Variants in FREM3 observed in about 807,000 individuals in gnomAD.
The protein encoded by FREM3 is FRAS1 related extracellular matrix 3.
Under a neutral mutation model 129.1 loss-of-function variants are expected in FREM3, and 105 were observed. The ratio of observed to expected loss-of-function variants is 0.81; its 90% CI spans 0.69 to 0.96. The LOEUF (loss-of-function observed/expected upper bound fraction) is 0.96, where lower values mean the gene tolerates loss of function less well. Among genes scored for constraint, FREM3 ranks in the 40% least tolerant of loss-of-function variants. FREM3 has a pLI of 0.00. For missense variants in FREM3, 2,593 were observed against 2,666.3 expected, an observed-to-expected ratio of 0.97 and a Z score of 0.61; for synonymous variants, 1,014 against 1,044.9, an observed-to-expected ratio of 0.97 and a Z score of 0.57.
intron 2 of FREM3, among the ~76,000 whole-genome samples, chr4:143,683,218 A>G (rs1467693279): frequency 2.0e-5 from 3 of 152,218 alleles, no homozygotes; most frequent in Admixed American, 2.0e-4. Context: ...CAGAGCGAGC[A>G]GGGGCTTGCA....
chr4:143,665,014 G>T (rs993832302), intron 2 of FREM3, among the ~76,000 whole-genome samples: 72 of 152,162 alleles, frequency 4.7e-4, no homozygotes, highest in Non-Finnish European at 6.8e-4. Context: ...GACTAGGAAA[G>T]GGAACTCCCT....
At chr4:143,636,569 T>A (rs530659443) in intron 2 of FREM3, among the ~76,000 whole-genome samples, 1 of 152,184 alleles carries the variant, frequency 6.6e-6, no homozygotes, top group African/African-American at 2.4e-5. Flanking sequence ...AAGAGCATAA[T>A]GGCATTTATG....
At chr4:143,617,542 A>G (rs1288711236) in intron 5 of FREM3, among the ~76,000 whole-genome samples, 5 of 152,230 alleles carry the variant, frequency 3.3e-5, no homozygotes, top group Admixed American at 6.5e-5. Flanking sequence ...TGCATCTTCA[A>G]GATCTTCATG....
Position 143,577,700 on chromosome 4 carries a change from C to T in FREM3, c.6331G>A (p.Ala2111Thr), listed in dbSNP as rs1449894971. 4 of 1,537,162 alleles carry T rather than the reference C, an allele frequency of 2.6e-6. No individual in the cohort carries two copies. The East Asian group carries it at 9.8e-5, about 38-fold the overall frequency. The change falls in exon 8 of 8, where the codon GCA becomes ACA. Residue 2111 changes from alanine to threonine, a missense_variant. Coordinates refer to ENST00000329798, the MANE Select transcript of FREM3 (RefSeq NM_001168235.2). Reference protein sequence around the residue: ...FELLLQMPMGAVLGEPNKTTI... With the variant: ...FELLLQMPMGTVLGEPNKTTI... ...GTTTTATTTGGTTCTCCAAGCACTG[C>T]ACCCATAGGCATCTGAAGAAGTAAT...
At chr4:143,588,148 G>A (rs191981068) in intron 6 of FREM3, among the ~76,000 whole-genome samples, 1 of 152,136 alleles carries the variant, frequency 6.6e-6, no homozygotes, top group Admixed American at 6.5e-5. Context: ...ACATCATACT[G>A]CCCAAATGGT....
At chr4:143,645,767 T>C (rs1739402344) in intron 2 of FREM3, among the ~76,000 whole-genome samples, 6 of 152,358 alleles carry the variant, frequency 3.9e-5, no homozygotes, top group Admixed American at 3.3e-4. Flanking sequence ...TATCTATCAA[T>C]ATATTGGTTC....
rs571087260 is a variant in FREM3 at position 143,630,613 on chromosome 4, C to T, written c.5276-2853G>A. Among the ~76,000 whole-genome samples, 11 of 152,236 alleles carry T rather than the reference C, an allele frequency of 7.2e-5. No individual in the cohort carries two copies. In the South Asian group the frequency reaches 8.3e-4, roughly 11 times the overall value. On this transcript the variant is annotated intron_variant, in intron 2 of 7. Coordinates refer to ENST00000329798, the MANE Select transcript of FREM3 (RefSeq NM_001168235.2). ...CTTAGTCACTGTAACCTGACATCAC[C>T]GGCTAATCAATGCTTTCTGTGACCA...
In FREM3 at chr4:143,585,910, T is replaced by C. The variant is rs1405973622; in HGVS notation, c.6112A>G (p.Thr2038Ala). Residue 2038 changes from threonine to alanine, a missense_variant, in exon 7 of 8, where the codon ACT becomes GCT. By Grantham distance (58) the Thr-to-Ala change is moderately conservative. Transcript: ENST00000329798. This position sits in a 1 kb window ranked among gnomAD's most constrained non-coding sequence, Gnocchi z 4.2. ...ATGGATGATGGTTGGGAAAGATCAG[T>C]GCCTCTTCTCCAAACACAAACCTCC... ...YVEVCVWRRG[T>A]DLSQPSSIAV... 1 of 1,537,302 alleles carries C rather than the reference T, an allele frequency of 6.5e-7. No homozygotes were observed. The highest frequency in any genetic ancestry group is 2.0e-5 in the Admixed American group (1 of 50,980).
At chr4:143,659,088 AT>A (rs869186137) in intron 2 of FREM3, among the ~76,000 whole-genome samples, 1 of 64,878 alleles carries the variant, frequency 1.5e-5, no homozygotes, top group South Asian at 5.3e-4. Context: ...TATTATTTTT[AT>A]TTATTATTAT....
intron 2 of FREM3, among the ~76,000 whole-genome samples, chr4:143,656,390 C>A (rs1171788832): frequency 2.0e-5 from 3 of 152,070 alleles, no homozygotes; most frequent in African/African-American, 7.2e-5. Flanking sequence ...TTCACAATAG[C>A]CCCAAAATGG....
rs1740629421 is a variant in FREM3, at chr4:143,698,695, C to G, written c.1981G>C (p.Gly661Arg). The G allele has an allele frequency of 6.5e-7, 1 of 1,537,430 alleles. No individual in the cohort carries two copies. The highest frequency in any genetic ancestry group is 8.7e-7 in the Non-Finnish European group (1 of 1,146,974). Reference protein sequence around the residue: ...MEGRLFYRHLGPHSPQSVMVQ... With the variant: ...MEGRLFYRHLRPHSPQSVMVQ... ...ATTACAGATTGAGGGCTGTGTGGTC[C>G]AAGATGGCGGTAGAAGAGTCTCCCT... Residue 661 changes from glycine (G) to arginine (R), a missense_variant, in exon 1 of 8, where the codon GGA (glycine) becomes CGA (arginine). Transcript: ENST00000329798.
chr4:143,681,975 G>A (rs80319689), intron 2 of FREM3, among the ~76,000 whole-genome samples: 3,135 of 152,134 alleles, frequency 0.021, 135 homozygotes, highest in African/African-American at 0.072. Flanking sequence ...GTTGGATGTC[G>A]CATAAATATA....
intron 7 of FREM3, among the ~76,000 whole-genome samples, chr4:143,581,146 G>A (rs1011753571): frequency 4.6e-5 from 7 of 152,198 alleles, no homozygotes; most frequent in African/African-American, 1.7e-4. Flanking sequence ...TGCCCAGACT[G>A]TTCTCCATGC....
chr4:143,693,204 TA>T lies in FREM3; in HGVS notation c.5186-3del, dbSNP rs751413333. On this transcript the variant is annotated splice_region_variant and splice_polypyrimidine_tract_variant and intron_variant, in intron 1 of 7. Transcript: ENST00000329798. ...ATATCTTCATCTCATCAATGTCAGC[TA>T]AAAAAAAAGCAACCATCACACAAAG... The T allele has an allele frequency of 2.1e-3, 2,976 of 1,427,926 alleles. No individual in the cohort carries two copies. The highest frequency in any genetic ancestry group is 4.4e-3 in the South Asian group (314 of 70,860). 88.5% of individuals were successfully genotyped at this position (1,427,926 alleles called of 1,614,324 possible). A position where few individuals can be genotyped will look rare whatever the true frequency, so the allele number is the denominator to read the frequency against.
intron 6 of FREM3, among the ~76,000 whole-genome samples, chr4:143,598,038 AG>A (rs2149836819): frequency 6.6e-6 from 1 of 152,364 alleles, no homozygotes; most frequent in Admixed American, 6.5e-5. Flanking sequence ...CTCTTACATA[AG>A]GGAACTAGTA....
At chr4:143,693,004 C>T (rs145301908) in intron 2 of FREM3, 109 bp downstream of exon 2, 129 of 458,430 alleles carry the variant, frequency 2.8e-4, no homozygotes, top group African/African-American at 2.1e-3. Context: ...ATTGTGATTA[C>T]TTGCTTACAT....
intron 4 of FREM3, among the ~76,000 whole-genome samples, chr4:143,621,484 T>C (rs1191858867): frequency 6.6e-6 from 1 of 152,228 alleles, no homozygotes; most frequent in African/African-American, 2.4e-5. Context: ...AGATCACATA[T>C]TTATGTACTT....
At chr4:143,593,910 C>G (rs1428836945) in intron 6 of FREM3, among the ~76,000 whole-genome samples, 1 of 151,562 alleles carries the variant, frequency 6.6e-6, no homozygotes, top group African/African-American at 2.4e-5. Flanking sequence ...GCCGCTTTGG[C>G]TCAAGCCTCG....
intron 5 of FREM3, among the ~76,000 whole-genome samples, chr4:143,615,677 T>C (rs1046249327): frequency 6.6e-6 from 1 of 150,830 alleles, no homozygotes; most frequent in African/African-American, 2.5e-5. Context: ...ATAGGGAATA[T>C]CGTCAAGTGT....
Sources: allele counts gnomAD v4.1 joint callset (sites outside exome capture counted in the v4.1 genomes callset), GRCh38; gene constraint gnomAD v4.1.1; non-coding constraint Gnocchi (gnomAD v3.1); transcripts MANE v1.5; gene names NCBI Gene and HGNC (gene_info 2026-07-23, HGNC 2026-07-21).